The following GRIA4 variants were observed in gnomAD, a reference collection of about 807,000 sequenced individuals.
The protein encoded by GRIA4 is glutamate receptor 4.
A neutral mutation model predicts 104.0 loss-of-function variants in GRIA4; 34 were observed. The ratio of observed to expected loss-of-function variants is 0.33; its 90% CI spans 0.25 to 0.44. The LOEUF (loss-of-function observed/expected upper bound fraction) is 0.44. GRIA4 is among the 20% of genes least tolerant of loss of function. GRIA4 has a pLI of 1.00. For synonymous variants in GRIA4, 386 were observed against 381.9 expected, an observed-to-expected ratio of 1.01 and a Z score of -0.13; for missense variants, 750 against 1,096.5, an observed-to-expected ratio of 0.68 and a Z score of 4.46.
At chr11:105,974,579 A>G in intron 16 of GRIA4, 135 bp downstream of exon 16, 1 of 1,605,916 alleles carries the variant, frequency 6.2e-7, no homozygotes, top group Non-Finnish European at 8.5e-7. Flanking sequence ...GCCCGACTAC[A>G]GTGAGTGGGG....
chr11:105,979,953 C>A lies in GRIA4; in HGVS notation c.*214C>A. The A allele has an allele frequency of 2.8e-5, 12 of 421,944 alleles. No homozygotes were observed. The highest frequency in any genetic ancestry group is 3.9e-5 in the African/African-American group (2 of 50,852). 26.1% of individuals were successfully genotyped at this position (421,944 alleles called of 1,614,324 possible). A position where few individuals can be genotyped will look rare whatever the true frequency, so the allele number is the denominator to read the frequency against. On this transcript the variant is annotated 3_prime_UTR_variant, in exon 17 of 17. Coordinates refer to ENST00000282499, the MANE Select transcript of GRIA4 (RefSeq NM_000829.4). ...ACTCAGATTTTATATCAGGAAAACT[C>A]ACAATTGAGGTTTTTTTCGGGGAGT...
At chr11:105,641,090 C>A (rs1951346099) in intron 3 of GRIA4, among the ~76,000 whole-genome samples, 1 of 151,802 alleles carries the variant, frequency 6.6e-6, no homozygotes, top group African/African-American at 2.4e-5. Flanking sequence ...GAATGTTTAT[C>A]CAATATTTGT....
At chr11:105,698,749 A>G (rs1455609803) in intron 3 of GRIA4, among the ~76,000 whole-genome samples, 5 of 152,234 alleles carry the variant, frequency 3.3e-5, no homozygotes, top group Non-Finnish European at 5.9e-5. Flanking sequence ...GTTATCTGTC[A>G]TATTTGTTGA....
At chr11:105,932,516 T>C (rs1163951749) in intron 13 of GRIA4, among the ~76,000 whole-genome samples, 3 of 152,088 alleles carry the variant, frequency 2.0e-5, no homozygotes, top group South Asian at 4.1e-4. Flanking sequence ...ACTAAAAATG[T>C]GCGAATGAAA....
At chr11:105,803,060 A>G (rs1447406382) in intron 4 of GRIA4, among the ~76,000 whole-genome samples, 2 of 152,056 alleles carry the variant, frequency 1.3e-5, no homozygotes, top group East Asian at 3.9e-4. Context: ...GTGATCTACC[A>G]GGTCACAGGA....
intron 4 of GRIA4, among the ~76,000 whole-genome samples, chr11:105,854,736 A>G (rs1944949273): frequency 6.6e-6 from 1 of 152,114 alleles, no homozygotes; most frequent in Non-Finnish European, 1.5e-5. Flanking sequence ...GAATGGAATT[A>G]ATGGTGACTG....
chr11:105,794,924 C>A (rs1942417942), intron 4 of GRIA4, among the ~76,000 whole-genome samples: 2 of 151,978 alleles, frequency 1.3e-5, no homozygotes, highest in Non-Finnish European at 2.9e-5. Flanking sequence ...TAATTACATA[C>A]CACATTCAGT....
intron 3 of GRIA4, among the ~76,000 whole-genome samples, chr11:105,744,083 C>T (rs1939496681): frequency 6.6e-6 from 1 of 152,186 alleles, no homozygotes; most frequent in African/African-American, 2.4e-5. Context: ...TCCCTCCACT[C>T]CACCCTCTGA....
chr11:105,952,165 C>T (rs1029773984), intron 14 of GRIA4, among the ~76,000 whole-genome samples: 4 of 152,090 alleles, frequency 2.6e-5, no homozygotes, highest in Non-Finnish European at 5.9e-5. Flanking sequence ...GAAGTCATCA[C>T]TATTTTTAAA....
chr11:105,921,982 T>G (rs1173793765), intron 11 of GRIA4, among the ~76,000 whole-genome samples: 1 of 152,084 alleles, frequency 6.6e-6, no homozygotes, highest in African/African-American at 2.4e-5. Flanking sequence ...TAATTTTATA[T>G]GGCTACAACA....
At chr11:105,927,423 C>T (rs2136199896) in intron 13 of GRIA4, among the ~76,000 whole-genome samples, 1 of 152,162 alleles carries the variant, frequency 6.6e-6, no homozygotes, top group South Asian at 2.1e-4. Flanking sequence ...AACTTCACAG[C>T]AACATATTTG....
intron 3 of GRIA4, among the ~76,000 whole-genome samples, chr11:105,730,453 C>T (rs10895870): frequency 0.51 from 77,833 of 151,970 alleles, 20,226 homozygotes; most frequent in Admixed American, 0.6. Context: ...TCATACTGCC[C>T]AAAATAATTT....
At chr11:105,763,703 A>C (rs1280669390) in intron 4 of GRIA4, among the ~76,000 whole-genome samples, 1 of 152,198 alleles carries the variant, frequency 6.6e-6, no homozygotes, top group Admixed American at 6.5e-5. Context: ...CAAAAGAAAA[A>C]CAGCTTAAAC....
chr11:105,723,839 G>T (rs966811722), intron 3 of GRIA4, among the ~76,000 whole-genome samples: 2 of 151,844 alleles, frequency 1.3e-5, no homozygotes, highest in Admixed American at 6.6e-5. Context: ...TCAATGCAGC[G>T]TCACCAACAA....
chr11:105,817,815 G>A (rs947231477), intron 4 of GRIA4, among the ~76,000 whole-genome samples: 22 of 152,044 alleles, frequency 1.4e-4, no homozygotes, highest in Non-Finnish European at 2.5e-4. Flanking sequence ...ATCAGTGTAC[G>A]TGCAGAACCA....
intron 3 of GRIA4, among the ~76,000 whole-genome samples, chr11:105,651,882 C>T (rs1007488470): frequency 6.6e-6 from 1 of 152,018 alleles, no homozygotes; most frequent in Non-Finnish European, 1.5e-5. Context: ...TGCTGACCAA[C>T]ACAGTACTTA....
At chr11:105,733,453 T>C (rs961804533) in intron 3 of GRIA4, among the ~76,000 whole-genome samples, 2 of 152,120 alleles carry the variant, frequency 1.3e-5, no homozygotes, top group Admixed American at 1.3e-4. Context: ...CATAGACGTC[T>C]ATTCTTTTCT....
chr11:105,887,669 A>C (rs1946314914), intron 6 of GRIA4, 97 bp downstream of exon 6: 1 of 669,458 alleles, frequency 1.5e-6, no homozygotes, highest in African/African-American at 1.9e-5. Context: ...AATAGAGTAC[A>C]TTACTTACTA....
At chr11:105,813,971 G>A (rs536072103) in intron 4 of GRIA4, among the ~76,000 whole-genome samples, 1 of 152,250 alleles carries the variant, frequency 6.6e-6, no homozygotes, top group East Asian at 1.9e-4. Context: ...GATCCGAATA[G>A]AAGAGAGAAT....
Sources: allele counts gnomAD v4.1 joint callset (sites outside exome capture counted in the v4.1 genomes callset), GRCh38; gene constraint gnomAD v4.1.1; transcripts MANE v1.5; gene names NCBI Gene and HGNC (gene_info 2026-07-23, HGNC 2026-07-21).